TECPR2: variants seen among roughly 807,000 people sequenced by gnomAD.
TECPR2 encodes tectonin beta-propeller repeat containing 2.
In TECPR2, 65 loss-of-function variants were observed where a neutral mutation model predicts 138.1. That is an observed-to-expected ratio of 0.47 (90% CI 0.39 to 0.58). The LOEUF (loss-of-function observed/expected upper bound fraction) is 0.58. Ranked by LOEUF, TECPR2 falls within the 20% of genes least tolerant of loss-of-function variation. The probability of loss-of-function intolerance (pLI) is 0.00; values close to 1 mark genes in which losing one functional copy is unlikely to be tolerated. For synonymous variants in TECPR2, 746 were observed against 749.8 expected (o/e 0.99, Z 0.08); for missense variants, 1,553 against 1,824.5 (o/e 0.85, Z 2.71).
intron 2 of TECPR2, among the ~76,000 whole-genome samples, chr14:102,397,957 C>T (rs1888359641): frequency 6.6e-6 from 1 of 150,680 alleles, no homozygotes; most frequent in Non-Finnish European, 1.5e-5. Context: ...CATGTAGTCT[C>T]AGCTACTCAG....
At chr14:102,485,866 G>C (rs1338448938) in intron 17 of TECPR2, among the ~76,000 whole-genome samples, 2 of 152,202 alleles carry the variant, frequency 1.3e-5, no homozygotes, top group Non-Finnish European at 2.9e-5. Context: ...GTGTGCCACT[G>C]GGTCCAGCTT....
chr14:102,402,027 A>G (rs1443927099), intron 2 of TECPR2, among the ~76,000 whole-genome samples: 3 of 152,146 alleles, frequency 2.0e-5, no homozygotes, highest in Admixed American at 2.0e-4. Context: ...TAGAAAAATA[A>G]AGAAACTTTA....
intron 17 of TECPR2, among the ~76,000 whole-genome samples, chr14:102,470,246 T>C (rs1168173396): frequency 6.6e-6 from 1 of 152,174 alleles, no homozygotes; most frequent in Non-Finnish European, 1.5e-5. Context: ...CTGAACTTTT[T>C]TTGTGGGAAG....
intron 16 of TECPR2, among the ~76,000 whole-genome samples, chr14:102,458,843 C>A (rs72700623): frequency 6.6e-6 from 1 of 151,538 alleles, no homozygotes; most frequent in African/African-American, 2.4e-5. Context: ...AGCACGGTGG[C>A]GCACACCTGT....
intron 17 of TECPR2, among the ~76,000 whole-genome samples, chr14:102,495,311 C>T (rs145598782): frequency 5.7e-4 from 87 of 152,324 alleles, no homozygotes; most frequent in African/African-American, 2.1e-3. Flanking sequence ...GGCTGCGGAG[C>T]TGCGACCAAG....
intron 15 of TECPR2, among the ~76,000 whole-genome samples, chr14:102,451,592 A>T (rs1018741800): frequency 6.6e-6 from 1 of 152,050 alleles, no homozygotes; most frequent in Non-Finnish European, 1.5e-5. Flanking sequence ...CAGGGATGTT[A>T]CCGCACTTCA....
chr14:102,370,419 G>T lies in TECPR2; in HGVS notation c.-72-6231G>T, dbSNP rs1887470237. Among the ~76,000 whole-genome samples the T allele has an allele frequency of 2.0e-5, 3 of 152,172 alleles. No homozygotes were observed. In the South Asian group the frequency reaches 6.2e-4, roughly 31 times the overall value. ...AAATAACATTAGGCAATACTTACTG[G>T]TGAAGAGCTCAGTACTTCCGCTTGC... On this transcript the variant is annotated intron_variant, in intron 1 of 19. Transcript: ENST00000359520.
intron 16 of TECPR2, among the ~76,000 whole-genome samples, chr14:102,453,978 G>A (rs550973429): frequency 5.9e-5 from 9 of 152,008 alleles, no homozygotes; most frequent in Admixed American, 2.6e-4. Context: ...GTGAAACCCC[G>A]TCTTTACTAA....
intron 4 of TECPR2, among the ~76,000 whole-genome samples, chr14:102,412,356 CA>C (rs1211906533): frequency 4.6e-5 from 7 of 152,110 alleles, no homozygotes. Context: ...TGGTCTTGAA[CA>C]TCTGGGCTCA....
intron 16 of TECPR2, among the ~76,000 whole-genome samples, chr14:102,455,552 A>G (rs1197903573): frequency 1.3e-5 from 2 of 151,296 alleles, no homozygotes; most frequent in African/African-American, 4.9e-5. Flanking sequence ...GGCTTAAGCA[A>G]TCCTCGCACC....
chr14:102,379,830 C>T (rs1217958735), intron 2 of TECPR2, among the ~76,000 whole-genome samples: 5 of 148,706 alleles, frequency 3.4e-5, no homozygotes, highest in African/African-American at 7.5e-5. Flanking sequence ...TGCACAGAGG[C>T]GTCCTAGTCA....
In TECPR2 at chr14:102,443,744, G is replaced by A; in HGVS notation, c.2850G>A (p.Leu950=). Residue 950 remains leucine, a synonymous_variant, in exon 12 of 20, where the codon CTG becomes CTA. Transcript: ENST00000359520. The surrounding 1 kb of genome is among the most constrained non-coding windows in gnomAD (Gnocchi z 4.9). ...ITARNNVVWA[L]TEQRALLYRE... The stretch of plus-strand genomic sequence containing the variant: ...CCCGGAACAATGTGGTGTGGGCGCT[G>A]ACAGAGCAGAGGGCCCTCCTGTACC... 1 of 1,612,774 alleles carries A rather than the reference G, an allele frequency of 6.2e-7. No homozygotes were observed. The highest frequency in any genetic ancestry group is 1.3e-5 in the African/African-American group (1 of 75,032).
intron 1 of TECPR2, among the ~76,000 whole-genome samples, chr14:102,367,665 G>C (rs547441893): frequency 7.2e-5 from 11 of 152,224 alleles, no homozygotes; most frequent in South Asian, 4.1e-4. Context: ...TTGATGGACA[G>C]TTAGGTTGTT....
chr14:102,476,656 GA>G (rs1890771990), intron 17 of TECPR2, among the ~76,000 whole-genome samples: 2 of 151,996 alleles, frequency 1.3e-5, no homozygotes, highest in Non-Finnish European at 2.9e-5. Flanking sequence ...AGGGTGACAG[GA>G]AAAAAAGATG....
chr14:102,465,289 G>A lies in TECPR2; in HGVS notation c.3789G>A (p.Gln1263=). 6.2e-7 allele frequency: 1 copy of A among 1,613,150 alleles called. No individual in the cohort carries two copies. The highest frequency in any genetic ancestry group is 8.5e-7 in the Non-Finnish European group (1 of 1,179,542). ...PAWIMIEPPV[Q]PAGVSLVSVH... ...GGATAATGATTGAGCCACCTGTCCAGGTAAGCAGAAGTTAGCTGGTGGAAC... is the reference window on the plus strand; with the variant it reads ...GGATAATGATTGAGCCACCTGTCCAAGTAAGCAGAAGTTAGCTGGTGGAAC... Residue 1263 remains glutamine, a splice_region_variant and synonymous_variant, in exon 17 of 20, where the codon CAG becomes CAA. Transcript: ENST00000359520.
At chr14:102,446,207 C>T (rs977735117) in intron 13 of TECPR2, among the ~76,000 whole-genome samples, 9 of 152,042 alleles carry the variant, frequency 5.9e-5, no homozygotes, top group Admixed American at 4.6e-4. Flanking sequence ...GCTGGGACTA[C>T]AGGCGTGTGC....
At chr14:102,428,229 T>TG (rs1567336416) in intron 6 of TECPR2, 21 bp from the exon 7 acceptor site, 20 of 1,340,126 alleles carry the variant, frequency 1.5e-5, no homozygotes, top group Middle Eastern at 4.1e-4. Context: ...TTTGTTTTTT[T>TG]TTTTTTTTTT....
At chr14:102,405,591 C>T (rs956881541) in intron 2 of TECPR2, among the ~76,000 whole-genome samples, 1 of 151,870 alleles carries the variant, frequency 6.6e-6, no homozygotes. Context: ...ATGATGCAGC[C>T]AATACTAGAA....
Position 102,414,709 on chromosome 14 carries a change from T to C in TECPR2, c.554T>C (p.Leu185Pro). The change falls in exon 5 of 20, where the codon CTG (leucine) becomes CCG (proline). Residue 185 changes from leucine to proline, a missense_variant. Physicochemically the swap from Leu to Pro is moderately conservative, Grantham distance 98. Coordinates refer to ENST00000359520, the MANE Select transcript of TECPR2 (RefSeq NM_014844.5). ...IVQLDYSQKV[L>P]LVSTLQRSLL... ...CAGCTGGATTATAGCCAGAAAGTGCTGCTGGTCTCTACTCTGCAAAGAAGT... is the reference window on the plus strand; with the variant it reads ...CAGCTGGATTATAGCCAGAAAGTGCCGCTGGTCTCTACTCTGCAAAGAAGT... 6 of 1,614,260 alleles carry C rather than the reference T, an allele frequency of 3.7e-6. No individual in the cohort carries two copies. Among genetic ancestry groups the C allele is most frequent in the Non-Finnish European group, 5.1e-6 (6 of 1,180,046 alleles).
Sources: gnomAD v4.1 joint callset for allele counts (sites outside exome capture counted in the v4.1 genomes callset) on GRCh38, gnomAD v4.1.1 for gene constraint, Gnocchi (gnomAD v3.1) non-coding constraint, MANE v1.5 for transcripts, NCBI Gene and HGNC (gene_info 2026-07-23, HGNC 2026-07-21) for gene names.